PBX3: variants seen among roughly 807,000 people sequenced by gnomAD.
PBX3 encodes PBX homeobox 3, also known as pre-B-cell leukemia transcription factor 3.
A neutral mutation model predicts 48.5 loss-of-function variants in PBX3; 14 were observed. The ratio of observed to expected loss-of-function variants is 0.29; its 90% confidence interval spans 0.19 to 0.45. The LOEUF is 0.45. Among genes scored for constraint, PBX3 ranks in the 20% least tolerant of loss-of-function variants. The probability of loss-of-function intolerance (pLI) is 1.00; values close to 1 mark genes in which losing one functional copy is unlikely to be tolerated. For synonymous variants in PBX3, 210 were observed against 200.3 expected (o/e 1.05, Z -0.41); for missense variants, 386 against 546.7 (o/e 0.71, Z 2.93).
intron 2 of PBX3, among the ~76,000 whole-genome samples, chr9:125,781,186 T>G (rs1306171685): frequency 6.7e-6 from 1 of 149,926 alleles, no homozygotes; most frequent in African/African-American, 2.5e-5. Flanking sequence ...AGATGGAGGT[T>G]GTAGCGAGCT....
At chr9:125,748,327 T>C in intron 1 of PBX3, 1 of 1,225,954 alleles carries the variant, frequency 8.2e-7, no homozygotes, top group Non-Finnish European at 1.0e-6. Context: ...GGCTGCTGCC[T>C]GCCGGGCAGA....
rs145260877 is a variant in PBX3, at chr9:125,834,888, G to A, written c.275-80798G>A. On this transcript the variant is annotated intron_variant, in intron 2 of 8. Coordinates refer to ENST00000373489, the MANE Select transcript of PBX3 (RefSeq NM_006195.6). ...AAAAATGAGCCAAGTGTGGTGGCAG[G>A]CGCCTGTAATCCCAGCTATTCAGGA... 5.0e-3 allele frequency among the ~76,000 whole-genome samples: 755 copies of A among 149,844 alleles called. 3 individuals are homozygous for A. The highest frequency in any genetic ancestry group is 8.5e-3 in the Non-Finnish European group (571 of 67,326).
At chr9:125,931,643 A>T (rs746341714) in intron 4 of PBX3, among the ~76,000 whole-genome samples, 4 of 152,110 alleles carry the variant, frequency 2.6e-5, no homozygotes, top group Non-Finnish European at 4.4e-5. Flanking sequence ...ACAAATATTT[A>T]TTGGTACTGA....
intron 2 of PBX3, among the ~76,000 whole-genome samples, chr9:125,764,476 T>G (rs938271949): frequency 6.6e-5 from 10 of 152,232 alleles, no homozygotes; most frequent in African/African-American, 2.4e-4. Context: ...TTGTCATGGT[T>G]CTTGGCATTG....
intron 8 of PBX3, among the ~76,000 whole-genome samples, chr9:125,963,550 GA>G (rs1234154611): frequency 6.6e-6 from 1 of 152,186 alleles, no homozygotes; most frequent in Non-Finnish European, 1.5e-5. Context: ...GTCAATGTGG[GA>G]TGCACAACAT....
At chr9:125,772,361 C>G (rs1252842094) in intron 2 of PBX3, among the ~76,000 whole-genome samples, 1 of 152,158 alleles carries the variant, frequency 6.6e-6, no homozygotes, top group Non-Finnish European at 1.5e-5. Context: ...TGGGTTAGTA[C>G]TCCTAAAGTA....
At chr9:125,896,520 A>G (rs1217611157) in intron 2 of PBX3, among the ~76,000 whole-genome samples, 1 of 152,016 alleles carries the variant, frequency 6.6e-6, no homozygotes, top group Non-Finnish European at 1.5e-5. Flanking sequence ...GGTTGTAACT[A>G]ATGCAATTTT....
chr9:125,873,120 G>T (rs1169036908), intron 2 of PBX3, among the ~76,000 whole-genome samples: 1 of 152,088 alleles, frequency 6.6e-6, no homozygotes, highest in African/African-American at 2.4e-5. Context: ...AGAAGGCGGA[G>T]GTTGCAGTGA....
intron 2 of PBX3, among the ~76,000 whole-genome samples, chr9:125,857,055 A>C (rs1192054866): frequency 6.6e-6 from 1 of 152,204 alleles, no homozygotes; most frequent in African/African-American, 2.4e-5. Flanking sequence ...TCATTCAGAA[A>C]TTGATATTAA....
Position 125,747,499 on chromosome 9 carries a change from C to T in PBX3, c.46C>T (p.Leu16=), listed in dbSNP as rs1363085667. ...GCTGCAGACTCTGGCCGGGGTGAAC[C>T]TGGCTGGCCACTCGGTGCAGGGGGG... ...RMLQTLAGVN[L]AGHSVQGGMA... is the part of the protein sequence containing the mutation. The change falls in exon 1 of 9, where the codon CTG becomes TTG. Residue 16 remains leucine (L), a synonymous_variant. Transcript: ENST00000373489. The T allele has an allele frequency of 1.9e-6, 3 of 1,587,040 alleles. No individual in the cohort carries two copies. Among genetic ancestry groups the T allele is most frequent in the Admixed American group, 3.5e-5 (2 of 57,568 alleles).
intron 1 of PBX3, among the ~76,000 whole-genome samples, chr9:125,747,882 G>C (rs1321037161): frequency 6.6e-6 from 1 of 151,796 alleles, no homozygotes; most frequent in Non-Finnish European, 1.5e-5. Context: ...GGTGCGGCGC[G>C]GATTCCGTGG....
intron 2 of PBX3, among the ~76,000 whole-genome samples, chr9:125,780,864 T>C (rs1484479935): frequency 6.9e-6 from 1 of 145,680 alleles, no homozygotes; most frequent in African/African-American, 2.6e-5. Flanking sequence ...GCAGAGGGAC[T>C]CCTCACTTCT....
intron 2 of PBX3, among the ~76,000 whole-genome samples, chr9:125,822,496 T>C (rs1196207497): frequency 6.6e-6 from 1 of 152,136 alleles, no homozygotes; most frequent in Non-Finnish European, 1.5e-5. Context: ...GTTTCTTCCT[T>C]AGATGTGGTT....
chr9:125,834,308 C>G (rs1005675885), intron 2 of PBX3, among the ~76,000 whole-genome samples: 8 of 152,118 alleles, frequency 5.3e-5, no homozygotes, highest in African/African-American at 1.9e-4. Flanking sequence ...AAGAAAAACT[C>G]TAAAGATGTC....
At chr9:125,803,630 T>C (rs1462139544) in intron 2 of PBX3, among the ~76,000 whole-genome samples, 2 of 152,214 alleles carry the variant, frequency 1.3e-5, no homozygotes, top group Non-Finnish European at 2.9e-5. Flanking sequence ...TTATACTGTT[T>C]TGGCAGGAAT....
chr9:125,832,664 G>A (rs949375954), intron 2 of PBX3, among the ~76,000 whole-genome samples: 1 of 152,176 alleles, frequency 6.6e-6, no homozygotes, highest in Non-Finnish European at 1.5e-5. Context: ...AGCCTGAATG[G>A]CAAGTGACTG....
intron 2 of PBX3, among the ~76,000 whole-genome samples, chr9:125,834,646 C>T (rs1305911819): frequency 6.6e-6 from 1 of 151,562 alleles, no homozygotes; most frequent in African/African-American, 2.4e-5. Flanking sequence ...GATCCGCCCA[C>T]CTCTGCCTCC....
chr9:125,904,557 G>T (rs549566751), intron 2 of PBX3, among the ~76,000 whole-genome samples: 7 of 151,936 alleles, frequency 4.6e-5, no homozygotes, highest in African/African-American at 1.7e-4. Context: ...CAGTTAGCAG[G>T]CTTTAGCTCT....
Position 125,915,882 on chromosome 9 carries a change from C to A in PBX3, c.471C>A (p.Thr157=), listed in dbSNP as rs114411468. The change falls in exon 3 of 9, where the codon ACC becomes ACA. Residue 157 remains threonine (T), a synonymous_variant. Coordinates refer to ENST00000373489, the MANE Select transcript of PBX3 (RefSeq NM_006195.6). ...IEHSDYRAKL[T]QIRQIYHTEL... ...ACTCAGATTACAGAGCCAAATTGAC[C>A]CAGATCAGACAAATCTATCACACAG... is the stretch of plus-strand genomic sequence containing the variant. The A allele has an allele frequency of 6.3e-5, 102 of 1,613,936 alleles. No homozygotes were observed. The highest frequency in any genetic ancestry group is 8.2e-5 in the Non-Finnish European group (97 of 1,179,944).
Sources: gnomAD v4.1 joint callset for allele counts (sites outside exome capture counted in the v4.1 genomes callset) on GRCh38, gnomAD v4.1.1 for gene constraint, MANE v1.5 for transcripts, NCBI Gene and HGNC (gene_info 2026-07-23, HGNC 2026-07-21) for gene names.